INPP4B: variants seen among roughly 807,000 people sequenced by gnomAD.
The protein encoded by INPP4B is inositol polyphosphate 4-phosphatase type II.
A neutral mutation model predicts 122.5 loss-of-function variants in INPP4B; 55 were observed. That is an observed-to-expected ratio of 0.45 (90% CI 0.36 to 0.56). INPP4B has a LOEUF of 0.56. INPP4B is among the 20% of genes least tolerant of loss of function. The probability of loss-of-function intolerance (pLI) is 0.00; values close to 1 mark genes in which losing one functional copy is unlikely to be tolerated. For synonymous variants in INPP4B, 403 were observed against 388.7 expected, an observed-to-expected ratio of 1.04 and a Z score of -0.43; for missense variants, 1,000 against 1,097.7, an observed-to-expected ratio of 0.91 and a Z score of 1.26.
intron 7 of INPP4B, among the ~76,000 whole-genome samples, chr4:142,323,602 C>T (rs987988365): frequency 4.6e-5 from 7 of 151,970 alleles, no homozygotes; most frequent in South Asian, 2.1e-4. Context: ...CCCGCCACCA[C>T]GCCTGGCTAA....
In INPP4B at chr4:142,739,132, C is replaced by A. The variant is rs551945644; in HGVS notation, c.-253-13231G>T. Among the ~76,000 whole-genome samples the A allele has an allele frequency of 3.3e-5, 5 of 152,124 alleles. No homozygotes were observed. In the South Asian group the frequency reaches 1.0e-3, roughly 32 times the overall value. ...CCTTTGAAAACCATCAAATAAACTT[C>A]AAAAACCGTAAATTAATGCAAAAGA... On this transcript the variant is annotated intron_variant, in intron 1 of 25. Transcript: ENST00000262992.
At chr4:142,761,744 C>T (rs1035405705) in intron 1 of INPP4B, among the ~76,000 whole-genome samples, 7 of 152,170 alleles carry the variant, frequency 4.6e-5, no homozygotes, top group African/African-American at 9.7e-5. Flanking sequence ...AAGTAAATTA[C>T]ATTAGGCATT....
chr4:142,174,803 A>T (rs1236012), intron 15 of INPP4B, among the ~76,000 whole-genome samples: 127,838 of 151,294 alleles, frequency 0.84, 54,366 homozygotes, highest in Non-Finnish European at 0.89. Flanking sequence ...TTAAAAAAAA[A>T]TTTTTTCATA....
At chr4:142,461,112 C>A (rs914287454) in intron 3 of INPP4B, among the ~76,000 whole-genome samples, 1 of 152,124 alleles carries the variant, frequency 6.6e-6, no homozygotes, top group African/African-American at 2.4e-5. Flanking sequence ...GTCGAAGCTG[C>A]AGTGACCCAT....
At chr4:142,736,550 C>T (rs952312798) in intron 1 of INPP4B, among the ~76,000 whole-genome samples, 15 of 152,102 alleles carry the variant, frequency 9.9e-5, no homozygotes, top group Non-Finnish European at 1.9e-4. Flanking sequence ...ATTTTATTCT[C>T]TTTGAAGCAA....
chr4:142,501,092 G>A (rs1823313431), intron 2 of INPP4B, among the ~76,000 whole-genome samples: 1 of 152,144 alleles, frequency 6.6e-6, no homozygotes, highest in African/African-American at 2.4e-5. Context: ...CCCAGTCTCT[G>A]TAGAAGGGTG....
intron 7 of INPP4B, among the ~76,000 whole-genome samples, chr4:142,360,440 T>C (rs1785007685): frequency 6.6e-6 from 1 of 152,126 alleles, no homozygotes; most frequent in East Asian, 1.9e-4. Context: ...AAAATCATCA[T>C]TGCAGAAGCA....
intron 1 of INPP4B, among the ~76,000 whole-genome samples, chr4:142,824,314 A>ATCTATCTATCTCTATCTCTATCTCTATC (rs70949192): frequency 0.038 from 5,742 of 150,610 alleles, 389 homozygotes; most frequent in African/African-American, 0.13. Flanking sequence ...CTGTCTATCT[A>ATCTATCTATCTCTATCTCTATCTCTATC]TCTATCTCTA....
intron 25 of INPP4B, among the ~76,000 whole-genome samples, chr4:142,060,862 G>A (rs918028763): frequency 1.3e-5 from 2 of 152,170 alleles, no homozygotes; most frequent in African/African-American, 4.8e-5. Flanking sequence ...AAAACAGGCA[G>A]ACATTTGCCT....
At chr4:142,458,737 A>T (rs1322434744) in intron 3 of INPP4B, among the ~76,000 whole-genome samples, 1 of 152,214 alleles carries the variant, frequency 6.6e-6, no homozygotes, top group East Asian at 1.9e-4. Context: ...CTTCAATTTG[A>T]TCTGAATACA....
chr4:142,230,337 G>C (rs1853631062), intron 12 of INPP4B, among the ~76,000 whole-genome samples: 2 of 152,058 alleles, frequency 1.3e-5, no homozygotes, highest in Non-Finnish European at 2.9e-5. Flanking sequence ...TCATGAAGAT[G>C]ACAGTAGATG....
intron 2 of INPP4B, among the ~76,000 whole-genome samples, chr4:142,656,511 G>A (rs925199784): frequency 2.6e-5 from 4 of 151,726 alleles, no homozygotes; most frequent in South Asian, 2.1e-4. Flanking sequence ...TTCCTTTTTC[G>A]GGACTCACTG....
chr4:142,731,771 A>G (rs1561007788), intron 1 of INPP4B, among the ~76,000 whole-genome samples: 1 of 151,584 alleles, frequency 6.6e-6, no homozygotes, highest in African/African-American at 2.4e-5. Flanking sequence ...TGAGATTTTC[A>G]GGGGAAAAAA....
chr4:142,365,642 C>T (rs563867614), intron 7 of INPP4B, among the ~76,000 whole-genome samples: 50 of 152,278 alleles, frequency 3.3e-4, no homozygotes, highest in African/African-American at 1.1e-3. Flanking sequence ...ACATTAGTCA[C>T]TCCACACAGC....
chr4:142,623,386 G>A (rs1030144141), intron 2 of INPP4B, among the ~76,000 whole-genome samples: 2 of 151,794 alleles, frequency 1.3e-5, no homozygotes, highest in African/African-American at 4.8e-5. Flanking sequence ...CCCACCACAT[G>A]ACTGGAGTTG....
intron 6 of INPP4B, among the ~76,000 whole-genome samples, chr4:142,404,364 C>T (rs2149177934): frequency 6.6e-6 from 1 of 152,154 alleles, no homozygotes; most frequent in Non-Finnish European, 1.5e-5. Flanking sequence ...AAAACATATG[C>T]AGCTCACAAG....
intron 2 of INPP4B, among the ~76,000 whole-genome samples, chr4:142,468,336 G>A (rs1326578478): frequency 1.3e-5 from 2 of 152,132 alleles, no homozygotes; most frequent in African/African-American, 4.8e-5. Flanking sequence ...TCAGTGAGAG[G>A]TTTTGGGATA....
At chr4:142,843,294 A>G (rs1783785584) in intron 1 of INPP4B, among the ~76,000 whole-genome samples, 1 of 151,852 alleles carries the variant, frequency 6.6e-6, no homozygotes. Context: ...TCATTTCTGA[A>G]GCCTAAATAT....
chr4:142,253,351 C>T (rs1317551413), intron 11 of INPP4B, among the ~76,000 whole-genome samples: 1 of 152,158 alleles, frequency 6.6e-6, no homozygotes, highest in African/African-American at 2.4e-5. Context: ...AACAGAGGAG[C>T]CAAGATGGCC....
Sources: gnomAD v4.1 joint callset for allele counts (sites outside exome capture counted in the v4.1 genomes callset) on GRCh38, gnomAD v4.1.1 for gene constraint, MANE v1.5 for transcripts, NCBI Gene and HGNC (gene_info 2026-07-23, HGNC 2026-07-21) for gene names.